GUCY1A2: variants seen among roughly 807,000 people sequenced by gnomAD.
GUCY1A2 encodes guanylate cyclase soluble subunit alpha-2.
A neutral mutation model predicts 63.5 loss-of-function variants in GUCY1A2; 27 were observed. That is an observed-to-expected ratio of 0.43 (90% CI 0.31 to 0.59). The LOEUF is 0.59. Among genes scored for constraint, GUCY1A2 ranks in the 20% least tolerant of loss-of-function variants. The probability of loss-of-function intolerance (pLI) is 0.11; values close to 1 mark genes in which losing one functional copy is unlikely to be tolerated. For synonymous variants in GUCY1A2, 364 were observed against 343.5 expected, an observed-to-expected ratio of 1.06 and a Z score of -0.66; for missense variants, 768 against 913.3, an observed-to-expected ratio of 0.84 and a Z score of 2.05.
rs188486153 is a variant in GUCY1A2 at position 107,001,743 on chromosome 11, G to C, written c.304-15612C>G. Among the ~76,000 whole-genome samples, 52 of 152,084 alleles carry C rather than the reference G, an allele frequency of 3.4e-4. 4 individuals carry two copies. Among genetic ancestry groups the C allele is most frequent in the Admixed American group, 2.3e-3 (35 of 15,278 alleles). On this transcript the variant is annotated intron_variant, in intron 1 of 7. Transcript: ENST00000526355. ...CATTTAAAAAATATTTATTGCCCAG[G>C]CACAGTGACTCTCGCCTGTAATCCC...
chr11:106,710,426 A>ATTTCT (rs1863096679), intron 6 of GUCY1A2, among the ~76,000 whole-genome samples: 1 of 141,132 alleles, frequency 7.1e-6, no homozygotes, highest in African/African-American at 2.6e-5. Context: ...TAGTATATAT[A>ATTTCT]TTTCTTTACT....
chr11:106,790,994 A>T (rs1213025707), intron 5 of GUCY1A2, among the ~76,000 whole-genome samples: 2 of 152,138 alleles, frequency 1.3e-5, no homozygotes, highest in Non-Finnish European at 2.9e-5. Context: ...CCAAGTTGGT[A>T]TCTCAGTAAG....
chr11:106,726,799 C>A (rs1241979195), intron 6 of GUCY1A2, among the ~76,000 whole-genome samples: 1 of 152,070 alleles, frequency 6.6e-6, no homozygotes, highest in African/African-American at 2.4e-5. Context: ...TAACAAGTTC[C>A]CTTTGGGTGA....
At chr11:106,855,441 T>C (rs1327207198) in intron 4 of GUCY1A2, among the ~76,000 whole-genome samples, 2 of 151,968 alleles carry the variant, frequency 1.3e-5, no homozygotes, top group East Asian at 3.9e-4. Flanking sequence ...TTAGATACTC[T>C]ATTCAATGTG....
chr11:106,841,111 TA>T (rs1859190734), intron 4 of GUCY1A2, among the ~76,000 whole-genome samples: 1 of 151,880 alleles, frequency 6.6e-6, no homozygotes, highest in Non-Finnish European at 1.5e-5. Flanking sequence ...CTTTGTTAAA[TA>T]TGCCATGATC....
At chr11:106,947,419 C>T (rs1457965136) in intron 3 of GUCY1A2, among the ~76,000 whole-genome samples, 4 of 151,644 alleles carry the variant, frequency 2.6e-5, no homozygotes, top group Non-Finnish European at 4.4e-5. Flanking sequence ...TTTAATGTGT[C>T]CTTTTGAGAA....
chr11:106,991,929 T>C (rs963565484), intron 1 of GUCY1A2, among the ~76,000 whole-genome samples: 19 of 152,228 alleles, frequency 1.2e-4, no homozygotes, highest in African/African-American at 4.6e-4. Flanking sequence ...TATGAACTTC[T>C]TTGATTTTCA....
chr11:106,790,077 T>C (rs1250919984), intron 5 of GUCY1A2, among the ~76,000 whole-genome samples: 1 of 152,222 alleles, frequency 6.6e-6, no homozygotes, highest in African/African-American at 2.4e-5. Flanking sequence ...CAGGCTTGTA[T>C]CCTTTGCTTC....
chr11:106,847,752 A>G (rs905653864), intron 4 of GUCY1A2, among the ~76,000 whole-genome samples: 5 of 151,788 alleles, frequency 3.3e-5, no homozygotes, highest in African/African-American at 1.2e-4. Flanking sequence ...CTTTTTCAAC[A>G]TATGTACTTA....
At chr11:106,880,524 TA>T (rs1406207599) in intron 4 of GUCY1A2, among the ~76,000 whole-genome samples, 1 of 152,082 alleles carries the variant, frequency 6.6e-6, no homozygotes, top group Non-Finnish European at 1.5e-5. Flanking sequence ...AACACAGTGC[TA>T]TCCCTATTGA....
rs181796251 is a variant in GUCY1A2 at position 106,815,342 on chromosome 11, T to A, written c.1207-4864A>T. 4.7e-3 allele frequency among the ~76,000 whole-genome samples: 705 copies of A among 151,292 alleles called. 2 individuals carry two copies. The highest frequency in any genetic ancestry group is 7.8e-3 in the Non-Finnish European group (527 of 67,782). On this transcript the variant is annotated intron_variant, in intron 4 of 7. Transcript: ENST00000526355. ...AGAGTTCCAAAAGTATAGGGGAGAG[T>A]GAGGTTGAAATAGTATTTGAATAAA...
Position 107,017,919 on chromosome 11 carries a change from A to C in GUCY1A2, c.137T>G (p.Leu46Arg). ...WNGSRSPPGP[L>R]EPSPAAAAAA... ...GGCAGCTGCGGCCGGGCTGGGCTCC[A>C]GCGGCCCGGGCGGGCTCCGGCTGCC... The change falls in exon 1 of 8, where the codon CTG becomes CGG. Residue 46 changes from leucine (L) to arginine (R), a missense_variant. Physicochemically the swap from Leu to Arg is moderately radical, Grantham distance 102 (BLOSUM62 -2). This residue lies in a region of GUCY1A2 where 496 missense variants were observed against 486.9 expected (regional missense o/e 1.02). Transcript: ENST00000526355. 7.7e-7 allele frequency: 1 copy of C among 1,292,536 alleles called. No homozygotes were observed. The highest frequency in any genetic ancestry group is 9.8e-7 in the Non-Finnish European group (1 of 1,016,150). The allele number at this position is 1,292,536 out of a possible 1,614,324, so 80.1% of individuals were successfully genotyped here. A position where few individuals can be genotyped will look rare whatever the true frequency, so the allele number is the denominator to read the frequency against.
At chr11:106,924,796 G>A (rs1360634354) in intron 4 of GUCY1A2, among the ~76,000 whole-genome samples, 1 of 152,036 alleles carries the variant, frequency 6.6e-6, no homozygotes, top group Non-Finnish European at 1.5e-5. Context: ...CTTGAGCCCA[G>A]AGGTTCAAGA....
At chr11:106,752,535 T>G (rs10890577) in intron 6 of GUCY1A2, among the ~76,000 whole-genome samples, 5 of 151,398 alleles carry the variant, frequency 3.3e-5, no homozygotes, top group South Asian at 4.2e-4. Context: ...CAGCAGGCCC[T>G]GGTGTGTGAT....
At chr11:106,910,926 G>A (rs1431024973) in intron 4 of GUCY1A2, among the ~76,000 whole-genome samples, 2 of 151,988 alleles carry the variant, frequency 1.3e-5, no homozygotes, top group Admixed American at 6.6e-5. Flanking sequence ...AAACCAGTCC[G>A]CTGAATGTAT....
rs945634037 is a variant in GUCY1A2 at position 106,680,811 on chromosome 11, G to A, written c.*6738C>T. ...ATCGAACACACCCACCATTCAAATG[G>A]GTTCATATTCATGTTTAGGGGATTG... is the stretch of plus-strand genomic sequence containing the variant. On this transcript the variant is annotated 3_prime_UTR_variant, in exon 8 of 8. Coordinates refer to ENST00000526355, the MANE Select transcript of GUCY1A2 (RefSeq NM_000855.3). The A allele has an allele frequency of 1.9e-5, 4 of 207,668 alleles. No homozygotes were observed. The highest frequency in any genetic ancestry group is 9.1e-5 in the African/African-American group (4 of 43,894). The allele number at this position is 207,668 out of a possible 1,614,324, so 12.9% of individuals were successfully genotyped here.
At chr11:106,771,579 T>A (rs966256161) in intron 6 of GUCY1A2, among the ~76,000 whole-genome samples, 2 of 151,958 alleles carry the variant, frequency 1.3e-5, no homozygotes, top group African/African-American at 4.8e-5. Flanking sequence ...GAGACCCCCA[T>A]CTCTACTAAA....
chr11:106,970,336 A>G (rs1861178052), intron 3 of GUCY1A2, among the ~76,000 whole-genome samples: 1 of 152,214 alleles, frequency 6.6e-6, no homozygotes, highest in Non-Finnish European at 1.5e-5. Flanking sequence ...AAAGAGAAAG[A>G]GTCTACCTAT....
chr11:106,944,147 T>G (rs1860789755), intron 3 of GUCY1A2, among the ~76,000 whole-genome samples: 1 of 135,098 alleles, frequency 7.4e-6, no homozygotes, highest in South Asian at 2.4e-4. Flanking sequence ...CCCAGGATGT[T>G]GAGGTAGCAG....
Sources: allele counts gnomAD v4.1 joint callset (sites outside exome capture counted in the v4.1 genomes callset), GRCh38; gene constraint gnomAD v4.1.1; regional missense constraint gnomAD v4.1.1; transcripts MANE v1.5; gene names NCBI Gene and HGNC (gene_info 2026-07-23, HGNC 2026-07-21).